MOBP: variants seen among roughly 807,000 people sequenced by gnomAD.
MOBP encodes myelin-associated oligodendrocyte basic protein.
A neutral mutation model predicts 15.0 loss-of-function variants in MOBP; 5 were observed. The ratio of observed to expected loss-of-function variants is 0.33; its 90% CI spans 0.17 to 0.70. The LOEUF is 0.70. Ranked by LOEUF, MOBP falls within the 30% of genes least tolerant of loss-of-function variation. MOBP has a pLI of 0.67. For missense variants in MOBP, 188 were observed against 257.8 expected, an observed-to-expected ratio of 0.73 and a Z score of 1.85; for synonymous variants, 88 against 99.0, an observed-to-expected ratio of 0.89 and a Z score of 0.66.
rs2043148530 is a variant in MOBP, at chr3:39,513,492, C to T, written c.*109C>T. On this transcript the variant is annotated 3_prime_UTR_variant, in exon 5 of 5. Transcript: ENST00000311042. ...TCATTGCTTCACAACCCATCTACCC[C>T]TGGATGAAGTTATCTGGCTTCAAAT... 6 of 1,462,888 alleles carry T rather than the reference C, an allele frequency of 4.1e-6. No homozygotes were observed. In the East Asian group the frequency reaches 1.4e-4, roughly 33 times the overall value. The allele number at this position is 1,462,888 out of a possible 1,614,324, so 90.6% of individuals were successfully genotyped here.
At chr3:39,473,576 A>G (rs2042500590) in intron 1 of MOBP, among the ~76,000 whole-genome samples, 2 of 152,176 alleles carry the variant, frequency 1.3e-5, no homozygotes, top group Non-Finnish European at 2.9e-5. Flanking sequence ...TATTAGTTCA[A>G]CTTGTAAGAG....
chr3:39,525,691 G>A (rs1416499031), downstream of MOBP: 1 of 152,562 alleles, frequency 6.6e-6, no homozygotes, highest in Non-Finnish European at 1.5e-5. Context: ...GGGCTAGGAT[G>A]AGAGAGAATG....
chr3:39,495,692 G>A (rs1335438006), intron 2 of MOBP, among the ~76,000 whole-genome samples: 3 of 146,834 alleles, frequency 2.0e-5, no homozygotes, highest in Non-Finnish European at 4.5e-5. Flanking sequence ...GGTTGAGGCT[G>A]CAGTGAACTG....
intron 2 of MOBP, among the ~76,000 whole-genome samples, chr3:39,497,346 G>T (rs549333423): frequency 1.0e-3 from 156 of 152,266 alleles, no homozygotes; most frequent in African/African-American, 3.6e-3. Context: ...GGAGTGATTT[G>T]TTTCCCCAAC....
chr3:39,480,877 C>T (rs2042618897), intron 2 of MOBP, among the ~76,000 whole-genome samples: 1 of 152,236 alleles, frequency 6.6e-6, no homozygotes, highest in Non-Finnish European at 1.5e-5. Flanking sequence ...ATCAAGCAAA[C>T]AGTGCAAACG....
At chr3:39,508,560 T>TTG (rs1363927438) in intron 4 of MOBP, among the ~76,000 whole-genome samples, 1 of 151,628 alleles carries the variant, frequency 6.6e-6, no homozygotes, top group African/African-American at 2.4e-5. Flanking sequence ...CATTTTTTTT[T>TTG]TTTTTTTGAG....
chr3:39,501,831 T>A (rs964630610), intron 2 of MOBP, among the ~76,000 whole-genome samples: 2 of 152,202 alleles, frequency 1.3e-5, no homozygotes, highest in African/African-American at 4.8e-5. Flanking sequence ...CCATGTTTCT[T>A]TTTCTCCTTA....
downstream of MOBP, among the ~76,000 whole-genome samples, chr3:39,518,155 T>C (rs1334684437): frequency 6.6e-6 from 1 of 152,192 alleles, no homozygotes; most frequent in Non-Finnish European, 1.5e-5. Context: ...ATTCACAACT[T>C]CAGGCTGGGG....
exon 5 of MOBP, chr3:39,515,000 G>GTGTGTGTT (rs2043180899): frequency 7.6e-6 from 1 of 130,732 alleles, no homozygotes; most frequent in Non-Finnish European, 1.7e-5. Context: ...GTGTGTGTGT[G>GTGTGTGTT]TGTGTGTGTG....
chr3:39,488,972 C>T (rs1028349674), intron 2 of MOBP, among the ~76,000 whole-genome samples: 3 of 152,040 alleles, frequency 2.0e-5, no homozygotes, highest in African/African-American at 4.8e-5. Flanking sequence ...CTTTCAACAC[C>T]TTCCTATCCT....
At chr3:39,468,814 G>GTA (rs796286079) in intron 1 of MOBP, among the ~76,000 whole-genome samples, 4 of 109,292 alleles carry the variant, frequency 3.7e-5, no homozygotes, top group African/African-American at 2.2e-4. Context: ...ATATGTGTGT[G>GTA]TATACATATT....
downstream of MOBP, chr3:39,526,377 C>T (rs940015059): frequency 3.9e-5 from 6 of 152,160 alleles, no homozygotes; most frequent in Non-Finnish European, 8.8e-5. Flanking sequence ...AACTATCTGA[C>T]AATTACTTGA....
At chr3:39,501,033 A>G (rs2042962936) in intron 2 of MOBP, among the ~76,000 whole-genome samples, 1 of 152,186 alleles carries the variant, frequency 6.6e-6, no homozygotes, top group Non-Finnish European at 1.5e-5. Context: ...TGTCATTTCT[A>G]TTTGTAGTAG....
chr3:39,500,737 A>G lies in MOBP; in HGVS notation c.-4-1329A>G, dbSNP rs568813511. On this transcript the variant is annotated intron_variant, in intron 2 of 3. Transcript: ENST00000684792. ...AAAAGAGGAGGGTAATAGGGAAGCAAAAAGACACGGGAGCAGGATCCAGAG... is the reference window on the plus strand; with the variant it reads ...AAAAGAGGAGGGTAATAGGGAAGCAGAAAGACACGGGAGCAGGATCCAGAG... Among the ~76,000 whole-genome samples the G allele has an allele frequency of 5.3e-5, 8 of 152,332 alleles. No individual in the cohort carries two copies. The South Asian group carries it at 1.7e-3, about 32-fold the overall frequency.
intron 2 of MOBP, among the ~76,000 whole-genome samples, chr3:39,500,306 G>A (rs1768243): frequency 0.28 from 42,085 of 152,162 alleles, 6,987 homozygotes; most frequent in African/African-American, 0.46. Context: ...AAACCAAAGT[G>A]TATAGTAAAT....
At chr3:39,477,958 A>G (rs2042566431) in intron 1 of MOBP, among the ~76,000 whole-genome samples, 1 of 152,202 alleles carries the variant, frequency 6.6e-6, no homozygotes, top group African/African-American at 2.4e-5. Context: ...TTATTACAAA[A>G]GAGTCAAAAA....
chr3:39,521,577 A>G (rs1403015550), intron 3 of MOBP, among the ~76,000 whole-genome samples: 1 of 152,250 alleles, frequency 6.6e-6, no homozygotes, highest in East Asian at 1.9e-4. Context: ...AAAGATAAAA[A>G]TGAAAGTGTC....
intron 1 of MOBP, among the ~76,000 whole-genome samples, chr3:39,470,798 A>G (rs2042458532): frequency 6.6e-6 from 1 of 152,226 alleles, no homozygotes; most frequent in African/African-American, 2.4e-5. Flanking sequence ...AGCTCTGCCT[A>G]TTAAAAAATT....
intron 4 of MOBP, among the ~76,000 whole-genome samples, chr3:39,512,109 A>G (rs1392147132): frequency 1.3e-5 from 2 of 152,158 alleles, no homozygotes; most frequent in Non-Finnish European, 2.9e-5. Flanking sequence ...CTCCAACTCA[A>G]TTGCCTTCCC....
Sources: gnomAD v4.1 joint callset for allele counts (sites outside exome capture counted in the v4.1 genomes callset) on GRCh38, gnomAD v4.1.1 for gene constraint, MANE v1.5 for transcripts, NCBI Gene and HGNC (gene_info 2026-07-23, HGNC 2026-07-21) for gene names.